GTF2E2: variants seen among roughly 807,000 people sequenced by gnomAD.
GTF2E2 encodes the protein transcription initiation factor IIE subunit beta.
In GTF2E2, 21 loss-of-function variants were observed where a neutral mutation model predicts 40.5. The observed-to-expected ratio is 0.52, with a 90% confidence interval of 0.37 to 0.75. The LOEUF (loss-of-function observed/expected upper bound fraction) is 0.75, where lower values mean the gene tolerates loss of function less well. GTF2E2 is among the 30% of genes least tolerant of loss of function. GTF2E2 has a pLI of 0.00. For synonymous variants in GTF2E2, 117 were observed against 121.6 expected, an observed-to-expected ratio of 0.96 and a Z score of 0.25; for missense variants, 298 against 338.4, an observed-to-expected ratio of 0.88 and a Z score of 0.94.
chr8:30,600,720 G>C (rs1333315114), intron 6 of GTF2E2, among the ~76,000 whole-genome samples: 1 of 152,142 alleles, frequency 6.6e-6, no homozygotes, highest in Non-Finnish European at 1.5e-5. Flanking sequence ...CTTAAGGAAA[G>C]AAATGCCTTT....
At chr8:30,588,661 G>C (rs1828752066) in intron 6 of GTF2E2, among the ~76,000 whole-genome samples, 1 of 152,142 alleles carries the variant, frequency 6.6e-6, no homozygotes, top group African/African-American at 2.4e-5. Context: ...TAATCACAAG[G>C]GTCCTTATAA....
At chr8:30,612,895 C>G (rs1484584048) in intron 4 of GTF2E2, among the ~76,000 whole-genome samples, 1 of 152,138 alleles carries the variant, frequency 6.6e-6, no homozygotes, top group Non-Finnish European at 1.5e-5. Context: ...ACAACACTAG[C>G]CAATACAGTG....
intron 3 of GTF2E2, among the ~76,000 whole-genome samples, chr8:30,615,892 T>A (rs982357496): frequency 6.6e-6 from 1 of 152,190 alleles, no homozygotes. Flanking sequence ...TACAGCTTTA[T>A]CCATAATTGC....
Position 30,614,693 on chromosome 8 carries a change from G to T in GTF2E2, c.281C>A (p.Thr94Lys). ...YMKTRHQRGD[T>K]HPLTLDEILD... is the part of the protein sequence containing the mutation. ...AATTTCATCTAAGGTTAGAGGATGC[G>T]TATCTCCTCGCTGATGCCGTGTCTA... is the stretch of plus-strand genomic sequence containing the variant. The change falls in exon 4 of 8, where the codon ACG (threonine) becomes AAG (lysine). Residue 94 changes from threonine (T) to lysine (K), a missense_variant. Transcript: ENST00000355904. The T allele has an allele frequency of 6.2e-7, 1 of 1,602,888 alleles. No homozygotes were observed. Among genetic ancestry groups the T allele is most frequent in the Non-Finnish European group, 8.5e-7 (1 of 1,170,698 alleles).
chr8:30,639,113 T>G (rs1043469674), intron 2 of GTF2E2, among the ~76,000 whole-genome samples: 3 of 152,208 alleles, frequency 2.0e-5, no homozygotes, highest in Admixed American at 1.3e-4. Context: ...GTTTGTTATA[T>G]TTTTTAGAAT....
intron 6 of GTF2E2, among the ~76,000 whole-genome samples, chr8:30,581,783 C>G (rs1563470515): frequency 1.3e-5 from 2 of 152,096 alleles, no homozygotes; most frequent in African/African-American, 2.4e-5. Context: ...GCAGGGAGCT[C>G]TATTTCCATC....
chr8:30,623,209 T>A (rs1801164697), intron 3 of GTF2E2, among the ~76,000 whole-genome samples: 3 of 152,096 alleles, frequency 2.0e-5, no homozygotes, highest in Admixed American at 6.5e-5. Flanking sequence ...ATGGTTTCAG[T>A]CGGTCCCTCC....
At chr8:30,631,653 C>T (rs1801440941) in intron 3 of GTF2E2, among the ~76,000 whole-genome samples, 1 of 152,136 alleles carries the variant, frequency 6.6e-6, no homozygotes, top group East Asian at 1.9e-4. Context: ...ATAAGATATG[C>T]TAGCTGTCAT....
intron 5 of GTF2E2, among the ~76,000 whole-genome samples, chr8:30,607,411 T>A (rs938035389): frequency 6.6e-6 from 1 of 152,092 alleles, no homozygotes; most frequent in Non-Finnish European, 1.5e-5. Flanking sequence ...CTGGAGTAAC[T>A]GGGACCACTG....
At chr8:30,619,162 G>T (rs530819028) in intron 3 of GTF2E2, among the ~76,000 whole-genome samples, 10 of 151,942 alleles carry the variant, frequency 6.6e-5, no homozygotes, top group Non-Finnish European at 1.2e-4. Flanking sequence ...GGATGGTCTC[G>T]ATCTCCTGAC....
chr8:30,625,771 G>C (rs1221034860), intron 3 of GTF2E2, among the ~76,000 whole-genome samples: 2 of 152,044 alleles, frequency 1.3e-5, no homozygotes, highest in African/African-American at 4.8e-5. Context: ...GGTAATTTTT[G>C]TATTTTTATT....
chr8:30,653,357 G>T, intron 2 of GTF2E2, 76 bp downstream of exon 2: 1 of 1,088,480 alleles, frequency 9.2e-7, no homozygotes, highest in Non-Finnish European at 1.4e-6. Flanking sequence ...ACTGAAAAAT[G>T]AACTAGCCAT....
chr8:30,598,012 T>C (rs548667824), intron 6 of GTF2E2, among the ~76,000 whole-genome samples: 12 of 152,222 alleles, frequency 7.9e-5, no homozygotes, highest in African/African-American at 1.7e-4. Context: ...TACCAAAGAA[T>C]AGTTCTGGTA....
intron 5 of GTF2E2, among the ~76,000 whole-genome samples, chr8:30,607,651 T>C (rs1829358361): frequency 6.6e-6 from 1 of 152,192 alleles, no homozygotes; most frequent in Admixed American, 6.5e-5. Flanking sequence ...CAGACTTGTA[T>C]TCTTAGAGGT....
chr8:30,609,436 ACAGT>A (rs1306018279), intron 5 of GTF2E2, among the ~76,000 whole-genome samples: 1 of 152,184 alleles, frequency 6.6e-6, no homozygotes, highest in African/African-American at 2.4e-5. Flanking sequence ...CAGATAAGGG[ACAGT>A]CAAATTGTAC....
chr8:30,640,555 G>A (rs904711545), intron 2 of GTF2E2, among the ~76,000 whole-genome samples: 14 of 152,072 alleles, frequency 9.2e-5, no homozygotes, highest in African/African-American at 2.2e-4. Context: ...GCATGGGTAG[G>A]GAAGTCCAGA....
intron 5 of GTF2E2, among the ~76,000 whole-genome samples, chr8:30,607,970 G>C (rs1829370423): frequency 6.6e-6 from 1 of 152,102 alleles, no homozygotes; most frequent in African/African-American, 2.4e-5. Flanking sequence ...TTGCCCAAAG[G>C]ATTACATTAC....
At chr8:30,580,906 A>T (rs1308377683) in intron 6 of GTF2E2, among the ~76,000 whole-genome samples, 1 of 152,120 alleles carries the variant, frequency 6.6e-6, no homozygotes. Flanking sequence ...ATGAAAGGGA[A>T]AGGGGGGATG....
intron 3 of GTF2E2, among the ~76,000 whole-genome samples, chr8:30,634,069 A>C (rs1358565684): frequency 6.6e-6 from 1 of 152,354 alleles, no homozygotes; most frequent in South Asian, 2.1e-4. Flanking sequence ...CGTGAATAAG[A>C]GTTTGGCAAA....
Sources: gnomAD v4.1 joint callset for allele counts (sites outside exome capture counted in the v4.1 genomes callset) on GRCh38, gnomAD v4.1.1 for gene constraint, MANE v1.5 for transcripts, NCBI Gene and HGNC (gene_info 2026-07-23, HGNC 2026-07-21) for gene names.